Variants in GABBR2 observed in about 807,000 individuals in gnomAD.
The protein encoded by GABBR2 is gamma-aminobutyric acid type B receptor subunit 2.
A neutral mutation model predicts 105.6 loss-of-function variants in GABBR2; 23 were observed. The ratio of observed to expected loss-of-function variants is 0.22; its 90% CI spans 0.16 to 0.31. GABBR2 has a LOEUF of 0.31. GABBR2 is among the 10% of genes least tolerant of loss of function. The probability of loss-of-function intolerance (pLI) is 1.00; values close to 1 mark genes in which losing one functional copy is unlikely to be tolerated. For synonymous variants in GABBR2, 478 were observed against 499.7 expected (o/e 0.96, Z 0.58); for missense variants, 734 against 1,245.5 (o/e 0.59, Z 6.18).
chr9:98,549,060 C>T (rs1828440496), intron 2 of GABBR2, among the ~76,000 whole-genome samples: 1 of 121,556 alleles, frequency 8.2e-6, no homozygotes, highest in Non-Finnish European at 1.8e-5. Context: ...GCCTCAGCCT[C>T]CCAAGCAGTG....
In GABBR2 at chr9:98,361,043, T is replaced by C. The variant is rs76994145; in HGVS notation, c.1893+1672A>G. 8.2e-3 allele frequency among the ~76,000 whole-genome samples: 1,250 copies of C among 152,290 alleles called. 20 individuals carry two copies. Among genetic ancestry groups the C allele is most frequent in the African/African-American group, 0.028 (1,166 of 41,560 alleles). On this transcript the variant is annotated intron_variant, in intron 13 of 18. Transcript: ENST00000259455. Reference sequence around the variant, plus strand: ...TCTCCTGGGCCCTCAGTCTGCCCATTATTCTACTTTTTTCTCCTCATCTGT... The same window carrying C: ...TCTCCTGGGCCCTCAGTCTGCCCATCATTCTACTTTTTTCTCCTCATCTGT...
intron 12 of GABBR2, among the ~76,000 whole-genome samples, chr9:98,363,051 C>T (rs1831614847): frequency 6.6e-6 from 1 of 152,188 alleles, no homozygotes; most frequent in African/African-American, 2.4e-5. Context: ...TCCCCAAACA[C>T]ATATGTGCAT....
chr9:98,541,977 C>T lies in GABBR2; in HGVS notation c.526G>A (p.Val176Ile), dbSNP rs1160950834. The change falls in exon 3 of 19, where the codon GTC becomes ATC. Residue 176 changes from valine (V) to isoleucine (I), a missense_variant. Val to Ile is a conservative substitution (Grantham distance 29). Around this residue, in one of 7 missense-constraint regions of GABBR2, gnomAD observed 370 missense variants for 648.9 expected, o/e 0.57. Coordinates refer to ENST00000259455, the MANE Select transcript of GABBR2 (RefSeq NM_005458.8). The stretch of plus-strand genomic sequence containing the variant: ...GGATTCACCGCATTGTCTGATGGGA[C>T]GGTCCGAAAGAAATAAGGGTATTTT... ...KKKYPYFFRT[V>I]PSDNAVNPAI... 9 of 1,614,108 alleles carry T rather than the reference C, an allele frequency of 5.6e-6. No individual in the cohort carries two copies. Among genetic ancestry groups the T allele is most frequent in the East Asian group, 2.2e-5 (1 of 44,880 alleles).
At chr9:98,622,303 T>C (rs1017033252) in intron 1 of GABBR2, among the ~76,000 whole-genome samples, 1 of 152,020 alleles carries the variant, frequency 6.6e-6, no homozygotes, top group Admixed American at 6.6e-5. Flanking sequence ...TAGCTGGGAC[T>C]ATAGGCGCAC....
intron 16 of GABBR2, among the ~76,000 whole-genome samples, chr9:98,301,761 T>C (rs1830472900): frequency 6.6e-6 from 1 of 152,198 alleles, no homozygotes; most frequent in Non-Finnish European, 1.5e-5. Context: ...TGCAGTGACA[T>C]GGTCGTACTC....
chr9:98,550,622 C>G (rs972019434), intron 2 of GABBR2, among the ~76,000 whole-genome samples: 4 of 152,086 alleles, frequency 2.6e-5, no homozygotes, highest in African/African-American at 9.7e-5. Context: ...GATTCAGACC[C>G]CTGGACTCCA....
chr9:98,490,357 A>G (rs1479011855), intron 4 of GABBR2, among the ~76,000 whole-genome samples: 1 of 152,198 alleles, frequency 6.6e-6, no homozygotes, highest in African/African-American at 2.4e-5. Flanking sequence ...AGTAGGGCAT[A>G]GGGTTCCTGA....
intron 4 of GABBR2, among the ~76,000 whole-genome samples, chr9:98,492,435 C>T (rs1261457171): frequency 4.1e-5 from 6 of 145,268 alleles, no homozygotes; most frequent in Non-Finnish European, 9.0e-5. Flanking sequence ...CATACAACCC[C>T]TCATCCAGTT....
intron 8 of GABBR2, among the ~76,000 whole-genome samples, chr9:98,403,944 G>C (rs572534007): frequency 6.6e-6 from 1 of 152,132 alleles, no homozygotes; most frequent in Admixed American, 6.5e-5. Context: ...GGAAGTGACT[G>C]GATCTCGGGT....
chr9:98,453,608 G>A (rs1826273315), intron 7 of GABBR2, among the ~76,000 whole-genome samples: 1 of 152,228 alleles, frequency 6.6e-6, no homozygotes, highest in Non-Finnish European at 1.5e-5. Flanking sequence ...CATAACAGGA[G>A]GTAGTTTAGC....
In GABBR2 at chr9:98,370,239, G is replaced by A. The variant is rs570942153; in HGVS notation, c.1770+1225C>T. 7.3e-4 allele frequency among the ~76,000 whole-genome samples: 111 copies of A among 152,196 alleles called. 1 individual carries two copies. The Middle Eastern group carries it at 0.031, about 42-fold the overall frequency. On this transcript the variant is annotated intron_variant, in intron 12 of 18. Coordinates refer to ENST00000259455, the MANE Select transcript of GABBR2 (RefSeq NM_005458.8). ...AGCTGGAGGGGTGAGGTGACCCCAG[G>A]GTGGAGAACTGAAGGGTGCTCAGGA...
intron 13 of GABBR2, among the ~76,000 whole-genome samples, chr9:98,335,926 G>T (rs1831107127): frequency 6.6e-6 from 1 of 152,178 alleles, no homozygotes; most frequent in South Asian, 2.1e-4. Context: ...TGTCTGTCTG[G>T]CCCTGTGCAA....
At chr9:98,423,326 A>T (rs558777859) in intron 7 of GABBR2, among the ~76,000 whole-genome samples, 4 of 152,262 alleles carry the variant, frequency 2.6e-5, no homozygotes, top group African/African-American at 9.6e-5. Context: ...ATGGTATCTC[A>T]TTGTGGTTTT....
intron 1 of GABBR2, among the ~76,000 whole-genome samples, chr9:98,597,977 A>T (rs1829262000): frequency 6.6e-6 from 1 of 151,422 alleles, no homozygotes. Flanking sequence ...GTGCACCACC[A>T]CCTCCGGCTA....
chr9:98,305,116 A>G (rs10818756), intron 15 of GABBR2, among the ~76,000 whole-genome samples: 38,422 of 151,904 alleles, frequency 0.25, 5,835 homozygotes, highest in Middle Eastern at 0.41. Flanking sequence ...GGCTTCCCTC[A>G]ACACAGATCA....
chr9:98,331,198 T>G (rs1397719745), intron 13 of GABBR2, among the ~76,000 whole-genome samples: 1 of 152,184 alleles, frequency 6.6e-6, no homozygotes, highest in Non-Finnish European at 1.5e-5. Flanking sequence ...TAAATAGCTC[T>G]CCTATAAACA....
chr9:98,408,872 C>A (rs901924236), intron 7 of GABBR2, among the ~76,000 whole-genome samples: 8 of 152,190 alleles, frequency 5.3e-5, no homozygotes, highest in African/African-American at 1.9e-4. Context: ...ACTGCAGCCT[C>A]CACCTTCTGG....
At chr9:98,410,212 C>A (rs1328844279) in intron 7 of GABBR2, among the ~76,000 whole-genome samples, 1 of 151,956 alleles carries the variant, frequency 6.6e-6, no homozygotes, top group Non-Finnish European at 1.5e-5. Flanking sequence ...TCTCCTTAAG[C>A]TTTCGTCTTG....
chr9:98,392,510 T>C (rs1310022380), intron 9 of GABBR2, among the ~76,000 whole-genome samples: 1 of 152,138 alleles, frequency 6.6e-6, no homozygotes, highest in African/African-American at 2.4e-5. Flanking sequence ...CTCACCTGAG[T>C]GTGGAGACCA....
Sources: allele counts gnomAD v4.1 joint callset (sites outside exome capture counted in the v4.1 genomes callset), GRCh38; gene constraint gnomAD v4.1.1; regional missense constraint gnomAD v4.1.1; transcripts MANE v1.5; gene names NCBI Gene and HGNC (gene_info 2026-07-23, HGNC 2026-07-21).